Variants in C2orf76 observed in about 807,000 individuals in gnomAD.
C2orf76 encodes the protein chromosome 2 open reading frame 76.
Under a neutral mutation model 16.9 loss-of-function variants are expected in C2orf76, and 23 were observed. That is an observed-to-expected ratio of 1.36 (90% CI 0.98 to 1.93). The LOEUF (loss-of-function observed/expected upper bound fraction) is 1.93, where lower values mean the gene tolerates loss of function less well. C2orf76 is among the 30% of genes most tolerant of loss of function. The probability of loss-of-function intolerance (pLI) is 0.00; values close to 1 mark genes in which losing one functional copy is unlikely to be tolerated. For synonymous variants in C2orf76, 48 were observed against 52.3 expected, an observed-to-expected ratio of 0.92 and a Z score of 0.35; for missense variants, 152 against 152.6, an observed-to-expected ratio of 1.00 and a Z score of 0.02.
chr2:119,285,801 C>T, the C2orf76 span, among the ~76,000 whole-genome samples: 2 of 152,162 alleles, frequency 1.3e-5, no homozygotes, highest in African/African-American at 2.4e-5. Flanking sequence ...AAAGTGAATC[C>T]ATTCATTCAT....
At chr2:119,331,250 G>C (rs1442580567) in intron 2 of C2orf76, among the ~76,000 whole-genome samples, 1 of 152,150 alleles carries the variant, frequency 6.6e-6, no homozygotes, top group Non-Finnish European at 1.5e-5. Flanking sequence ...GTGGGACCAG[G>C]ACAGAATTCA....
chr2:119,291,051 C>T, the C2orf76 span, among the ~76,000 whole-genome samples: 1 of 151,922 alleles, frequency 6.6e-6, no homozygotes, highest in African/African-American at 2.4e-5. Flanking sequence ...CAGACAGACT[C>T]TGCTGCCACC....
chr2:119,366,320 CA>C (rs1680986944), intron 1 of C2orf76: 1 of 416,836 alleles, frequency 2.4e-6, no homozygotes, highest in Non-Finnish European at 4.9e-6. Context: ...TTTGTTAAAT[CA>C]AGACAAATAA....
intron 1 of C2orf76, among the ~76,000 whole-genome samples, chr2:119,359,749 G>C (rs1326950525): frequency 2.0e-5 from 3 of 152,196 alleles, no homozygotes; most frequent in Non-Finnish European, 4.4e-5. Flanking sequence ...TACTTCTTAT[G>C]AATGAGCAAA....
At chr2:119,349,895 C>T (rs1680327571) in intron 1 of C2orf76, among the ~76,000 whole-genome samples, 1 of 152,096 alleles carries the variant, frequency 6.6e-6, no homozygotes, top group East Asian at 1.9e-4. Context: ...GCTTGTGTAG[C>T]GTGAGGCACC....
At chr2:119,332,735 GT>G (rs781734145) in intron 2 of C2orf76, among the ~76,000 whole-genome samples, 1 of 152,072 alleles carries the variant, frequency 6.6e-6, no homozygotes, top group Non-Finnish European at 1.5e-5. Flanking sequence ...AAATAGTTTT[GT>G]TTTGTTTTGT....
intron 2 of C2orf76, among the ~76,000 whole-genome samples, chr2:119,323,008 A>G (rs372432339): frequency 6.6e-6 from 1 of 152,132 alleles, no homozygotes; most frequent in South Asian, 2.1e-4. Flanking sequence ...ATATCCACGT[A>G]TCTAAATTAG....
chr2:119,303,039 C>T (rs917638841), intron 5 of C2orf76, among the ~76,000 whole-genome samples: 3 of 152,198 alleles, frequency 2.0e-5, no homozygotes, highest in African/African-American at 7.2e-5. Context: ...CATTCTCCCT[C>T]ATGACCCATC....
intron 5 of C2orf76, among the ~76,000 whole-genome samples, chr2:119,308,913 A>G (rs1294621199): frequency 6.6e-6 from 1 of 152,016 alleles, no homozygotes; most frequent in Non-Finnish European, 1.5e-5. Context: ...ACGGTGGTAT[A>G]AGAGTATCCA....
chr2:119,317,963 A>G (rs952185004), intron 3 of C2orf76, among the ~76,000 whole-genome samples: 4 of 152,226 alleles, frequency 2.6e-5, no homozygotes, highest in African/African-American at 9.6e-5. Flanking sequence ...TGCCACTCTC[A>G]GTATTCAAAC....
chr2:119,303,869 C>G (rs923685327), intron 5 of C2orf76, among the ~76,000 whole-genome samples: 1 of 152,082 alleles, frequency 6.6e-6, no homozygotes, highest in East Asian at 1.9e-4. Context: ...ACTGCAACCT[C>G]GCATGACAAG....
At chr2:119,336,347 G>A (rs1311134458) in intron 2 of C2orf76, among the ~76,000 whole-genome samples, 5 of 151,984 alleles carry the variant, frequency 3.3e-5, no homozygotes, top group Non-Finnish European at 5.9e-5. Flanking sequence ...CCGAGACCAC[G>A]CCACTGCACT....
chr2:119,354,183 TA>T (rs1240989444), intron 1 of C2orf76, among the ~76,000 whole-genome samples: 2 of 152,180 alleles, frequency 1.3e-5, no homozygotes, highest in African/African-American at 4.8e-5. Flanking sequence ...TTCAAAAGCA[TA>T]TTTTTTTAAA....
At chr2:119,366,955 C>T (rs532555510), upstream of C2orf76, 9 of 1,507,804 alleles carry the variant, frequency 6.0e-6, no homozygotes, top group East Asian at 2.3e-5. Flanking sequence ...GCGAGTGGAC[C>T]GCGCCTCTAA....
chr2:119,286,225 A>G, the C2orf76 span, among the ~76,000 whole-genome samples: 252 of 64,786 alleles, frequency 3.9e-3, 2 homozygotes, highest in African/African-American at 0.025. Flanking sequence ...ACTCCATCTC[A>G]AAAAAAAAAA....
chr2:119,285,524 T>G, the C2orf76 span, among the ~76,000 whole-genome samples: 1 of 152,208 alleles, frequency 6.6e-6, no homozygotes, highest in Non-Finnish European at 1.5e-5. Flanking sequence ...GACCCCATTT[T>G]CTCTGTCGTA....
the C2orf76 span, among the ~76,000 whole-genome samples, chr2:119,282,297 G>A: frequency 9.2e-5 from 14 of 152,232 alleles, no homozygotes; most frequent in South Asian, 1.9e-3. Flanking sequence ...CCAATAGGTC[G>A]GCTCTGATGC....
chr2:119,317,286 G>A (rs188822584), intron 4 of C2orf76, among the ~76,000 whole-genome samples, 180 bp downstream of exon 4: 202 of 152,100 alleles, frequency 1.3e-3, no homozygotes, highest in African/African-American at 4.4e-3. Flanking sequence ...ACTACTAACA[G>A]GGAAATAGCT....
chr2:119,323,251 G>A (rs1451327378), intron 2 of C2orf76, among the ~76,000 whole-genome samples: 5 of 151,552 alleles, frequency 3.3e-5, no homozygotes, highest in Non-Finnish European at 7.4e-5. Context: ...AAATTCCTGG[G>A]CTCAAGCAAT....
Sources: allele counts gnomAD v4.1 joint callset (sites outside exome capture counted in the v4.1 genomes callset), GRCh38; gene constraint gnomAD v4.1.1; transcripts MANE v1.5; gene names NCBI Gene and HGNC (gene_info 2026-07-23, HGNC 2026-07-21).